ZNF512: variants seen among roughly 807,000 people sequenced by gnomAD.
ZNF512 encodes zinc finger protein 512.
Under a neutral mutation model 77.5 loss-of-function variants are expected in ZNF512, and 25 were observed. The observed-to-expected ratio is 0.32, with a 90% CI of 0.23 to 0.45. The LOEUF is 0.45. Among genes scored for constraint, ZNF512 ranks in the 20% least tolerant of loss-of-function variants. ZNF512 has a pLI of 1.00. For synonymous variants in ZNF512, 246 were observed against 239.9 expected (o/e 1.03, Z -0.24); for missense variants, 483 against 692.6 (o/e 0.70, Z 3.40).
Position 27,592,046 on chromosome 2 carries a change from G to A in ZNF512, c.90-6021G>A, listed in dbSNP as rs1671607678. Among the ~76,000 whole-genome samples the A allele has an allele frequency of 3.3e-5, 5 of 152,132 alleles. No homozygotes were observed. The South Asian group carries it at 1.0e-3, about 32-fold the overall frequency. On this transcript the variant is annotated intron_variant, in intron 2 of 13. Transcript: ENST00000355467. ...CTCCCGTTGCCCAGGCTGGAATGCA[G>A]TGGCGCAACCTCTGCTCACTGCAGC...
intron 2 of ZNF512, among the ~76,000 whole-genome samples, chr2:27,593,236 AC>A (rs1671679661): frequency 2.7e-5 from 4 of 149,104 alleles, no homozygotes; most frequent in South Asian, 2.1e-4. Flanking sequence ...ACACACACAC[AC>A]ACACACACAA....
chr2:27,600,099 T>A (rs117655217), intron 5 of ZNF512, 46 bp downstream of exon 5: 1 of 1,587,590 alleles, frequency 6.3e-7, no homozygotes, highest in South Asian at 1.1e-5. Context: ...TCTCACACTC[T>A]GATTTGTTGT....
At chr2:27,614,897 CTG>C (rs879622174) in intron 10 of ZNF512, among the ~76,000 whole-genome samples, 6 of 151,704 alleles carry the variant, frequency 4.0e-5, no homozygotes, top group Admixed American at 3.3e-4. Flanking sequence ...ATGTAGTACT[CTG>C]TAGCTTTTTT....
intron 2 of ZNF512, among the ~76,000 whole-genome samples, chr2:27,595,958 A>G (rs1341653552): frequency 1.3e-5 from 2 of 152,122 alleles, no homozygotes; most frequent in Admixed American, 1.3e-4. Flanking sequence ...TATGTGTTGC[A>G]TAATTTTGGA....
At chr2:27,587,354 G>A (rs999059671) in intron 2 of ZNF512, among the ~76,000 whole-genome samples, 2 of 146,274 alleles carry the variant, frequency 1.4e-5, no homozygotes, top group Non-Finnish European at 3.0e-5. Context: ...CTGGCTCACC[G>A]AACCCTTTGC....
intron 2 of ZNF512, among the ~76,000 whole-genome samples, chr2:27,586,433 T>C (rs1671333666): frequency 6.6e-6 from 1 of 152,170 alleles, no homozygotes; most frequent in Non-Finnish European, 1.5e-5. Context: ...TTTCACAGTG[T>C]TGCCCAGGCT....
rs902344072 is a variant in ZNF512 at position 27,601,499 on chromosome 2, G to T, written c.669+57G>T. 6.3e-5 allele frequency: 89 copies of T among 1,414,286 alleles called. No homozygotes were observed. In the African/African-American group the frequency reaches 1.2e-3, roughly 19 times the overall value. The allele number at this position is 1,414,286 out of a possible 1,614,324, so 87.6% of individuals were successfully genotyped here. The stretch of plus-strand genomic sequence containing the variant: ...TGGATGTCTTTTTTTTTTTGAGATG[G>T]AGTCTCACTCTGTTGCCCAGGCTGG... On this transcript the variant is annotated intron_variant, in intron 7 of 13. Transcript: ENST00000355467.
intron 11 of ZNF512, among the ~76,000 whole-genome samples, chr2:27,615,709 GT>G (rs1672854350): frequency 6.6e-6 from 1 of 152,204 alleles, no homozygotes; most frequent in African/African-American, 2.4e-5. Flanking sequence ...CTTCCATGGT[GT>G]TTTATTGATC....
intron 9 of ZNF512, among the ~76,000 whole-genome samples, chr2:27,607,049 T>G (rs1297257367): frequency 2.6e-5 from 4 of 152,112 alleles, no homozygotes; most frequent in African/African-American, 7.2e-5. Flanking sequence ...CTCCTGCCTC[T>G]TCTTCTGCTG....
At chr2:27,601,153 A>G (rs1266099282) in intron 6 of ZNF512, among the ~76,000 whole-genome samples, 1 of 152,262 alleles carries the variant, frequency 6.6e-6, no homozygotes, top group African/African-American at 2.4e-5. Flanking sequence ...ATATTTGGTT[A>G]ATGGTAATTC....
Position 27,589,359 on chromosome 2 carries a change from G to A in ZNF512, c.89+5643G>A, listed in dbSNP as rs6760243. Among the ~76,000 whole-genome samples, 1,490 of 152,136 alleles carry A rather than the reference G, an allele frequency of 9.8e-3. 26 individuals are homozygous for A. Among genetic ancestry groups the A allele is most frequent in the African/African-American group, 0.033 (1,375 of 41,524 alleles). On this transcript the variant is annotated intron_variant, in intron 2 of 13. Coordinates refer to ENST00000355467, the MANE Select transcript of ZNF512 (RefSeq NM_032434.4). ...GTAAGTAGTATTTTTAAAGAAATTT[G>A]TTCATTGTAATTTTTCCATTGATTA...
chr2:27,587,386 T>C (rs7591283), intron 2 of ZNF512, among the ~76,000 whole-genome samples: 12,766 of 151,464 alleles, frequency 0.084, 1,846 homozygotes, highest in African/African-American at 0.29. Flanking sequence ...AACTGATTCT[T>C]CTGCCTTAGC....
chr2:27,599,165 A>C (rs2148018112), intron 3 of ZNF512, among the ~76,000 whole-genome samples: 2 of 152,142 alleles, frequency 1.3e-5, no homozygotes, highest in Middle Eastern at 3.4e-3. Flanking sequence ...CTTTTCTTCT[A>C]GTGTGATCCT....
At chr2:27,620,603 A>G (rs1234346749) in intron 13 of ZNF512, among the ~76,000 whole-genome samples, 1 of 152,206 alleles carries the variant, frequency 6.6e-6, no homozygotes, top group African/African-American at 2.4e-5. Flanking sequence ...TGGTAGATTT[A>G]GAAGATTGAA....
chr2:27,607,711 G>A, intron 9 of ZNF512, 134 bp from the exon 10 acceptor site: 2 of 799,034 alleles, frequency 2.5e-6, no homozygotes, highest in Non-Finnish European at 3.9e-6. Context: ...TAATATGGTG[G>A]AACTTGATGC....
chr2:27,606,448 C>T (rs554188758), intron 9 of ZNF512, among the ~76,000 whole-genome samples: 5 of 151,988 alleles, frequency 3.3e-5, no homozygotes, highest in Non-Finnish European at 5.9e-5. Context: ...CTGCAACCTC[C>T]GCCTCCTGGG....
At chr2:27,592,146 C>T (rs1408320004) in intron 2 of ZNF512, among the ~76,000 whole-genome samples, 2 of 151,804 alleles carry the variant, frequency 1.3e-5, no homozygotes, top group African/African-American at 4.8e-5. Context: ...CACACCACCA[C>T]ACCTGGCTAA....
At chr2:27,608,092 T>A (rs1473401854) in intron 10 of ZNF512, 53 bp downstream of exon 10, 2 of 1,472,098 alleles carry the variant, frequency 1.4e-6, no homozygotes, top group Non-Finnish European at 1.8e-6. Context: ...ACGTTGTGCC[T>A]ACTGTACACA....
chr2:27,615,285 T>G lies in ZNF512; in HGVS notation c.1233+16T>G. ...TCCTAACCAGGTGGTTCTTTCTCAT[T>G]CATTTATTCAGTAAATGTTTATCAA... On this transcript the variant is annotated intron_variant, in intron 11 of 13. Transcript: ENST00000355467. 6.7e-7 allele frequency: 1 copy of G among 1,493,628 alleles called. No individual in the cohort carries two copies. Among genetic ancestry groups the G allele is most frequent in the Non-Finnish European group, 9.1e-7 (1 of 1,093,014 alleles). 92.5% of individuals were successfully genotyped at this position (1,493,628 alleles called of 1,614,324 possible). A position where few individuals can be genotyped will look rare whatever the true frequency, so the allele number is the denominator to read the frequency against.
Sources: gnomAD v4.1 joint callset for allele counts (sites outside exome capture counted in the v4.1 genomes callset) on GRCh38, gnomAD v4.1.1 for gene constraint, MANE v1.5 for transcripts, NCBI Gene and HGNC (gene_info 2026-07-23, HGNC 2026-07-21) for gene names.